MYO1H: variants seen among roughly 807,000 people sequenced by gnomAD.
MYO1H encodes myosin IH.
MYO1H carries 118 observed loss-of-function variants against 149.3 expected under a neutral mutation model. That is an observed-to-expected ratio of 0.79 (90% CI 0.68 to 0.92). The LOEUF (loss-of-function observed/expected upper bound fraction) is 0.92. Among genes scored for constraint, MYO1H ranks in the 40% least tolerant of loss-of-function variants. The pLI, the probability that MYO1H is intolerant of heterozygous loss-of-function variation, is 0.00. For missense variants in MYO1H, 1,212 were observed against 1,280.7 expected, an observed-to-expected ratio of 0.95 and a Z score of 0.82; for synonymous variants, 447 against 465.2, an observed-to-expected ratio of 0.96 and a Z score of 0.50.
chr12:109,442,372 G>T lies in MYO1H; in HGVS notation c.2688+100G>T, dbSNP rs892295101. 1.4e-5 allele frequency: 14 copies of T among 965,660 alleles called. No individual in the cohort carries two copies. In the African/African-American group the frequency reaches 2.1e-4, roughly 14 times the overall value. The allele number at this position is 965,660 out of a possible 1,614,324, so 59.8% of individuals were successfully genotyped here. On this transcript the variant is annotated intron_variant, in intron 27 of 31. Transcript: ENST00000310903. ...AAAGGGCGCACTATTTAAATGCAGG[G>T]GTGCAGCTGGGCAGCTGGGGCTCTC...
chr12:109,373,878 T>G (rs1379760144), intron 1 of MYO1H, among the ~76,000 whole-genome samples: 1 of 152,132 alleles, frequency 6.6e-6, no homozygotes, highest in African/African-American at 2.4e-5. Context: ...TCCCAGCTAC[T>G]CGGGAGGCTG....
At chr12:109,360,772 A>G (rs1276145051) in intron 1 of MYO1H, among the ~76,000 whole-genome samples, 1 of 152,252 alleles carries the variant, frequency 6.6e-6, no homozygotes, top group Non-Finnish European at 1.5e-5. Context: ...GTTAACAGAA[A>G]TAGGTCTTGT....
At chr12:109,384,119 G>T (rs764965781) in intron 1 of MYO1H, among the ~76,000 whole-genome samples, 7 of 152,130 alleles carry the variant, frequency 4.6e-5, no homozygotes, top group Non-Finnish European at 8.8e-5. Context: ...CCCTATATTT[G>T]TGCCTGATGT....
intron 1 of MYO1H, chr12:109,354,277 C>T (rs1459363922): frequency 6.6e-6 from 1 of 152,078 alleles, no homozygotes; most frequent in Non-Finnish European, 1.5e-5. Flanking sequence ...TTTTACTCTC[C>T]GTCTCCTCCC....
At chr12:109,398,122 G>A (rs1660146018) in intron 5 of MYO1H, among the ~76,000 whole-genome samples, 1 of 152,232 alleles carries the variant, frequency 6.6e-6, no homozygotes, top group African/African-American at 2.4e-5. Flanking sequence ...AAAATAATGG[G>A]TTGTACCAGA....
At chr12:109,384,425 T>C (rs1394504129) in intron 1 of MYO1H, among the ~76,000 whole-genome samples, 1 of 152,254 alleles carries the variant, frequency 6.6e-6, no homozygotes, top group Non-Finnish European at 1.5e-5. Flanking sequence ...CTGGATTTAA[T>C]GCTCTCTTTA....
intron 1 of MYO1H, chr12:109,359,580 T>A (rs1868695283): frequency 6.6e-6 from 1 of 152,194 alleles, no homozygotes; most frequent in Admixed American, 6.5e-5. Flanking sequence ...GGCCATCTCT[T>A]GTTCTTTGTG....
At chr12:109,444,180 G>A in intron 28 of MYO1H, 33 bp from the exon 29 acceptor site, 1 of 1,556,342 alleles carries the variant, frequency 6.4e-7, no homozygotes, top group Non-Finnish European at 8.9e-7. Flanking sequence ...AAGCTCTCTA[G>A]TTCTTGGCTC....
intron 25 of MYO1H, among the ~76,000 whole-genome samples, chr12:109,441,104 T>C (rs1181695878): frequency 3.9e-5 from 6 of 152,246 alleles, no homozygotes; most frequent in Admixed American, 3.9e-4. Context: ...GACCCCTTTC[T>C]GCTGGAAATC....
intron 1 of MYO1H, among the ~76,000 whole-genome samples, chr12:109,363,291 C>A (rs1400756572): frequency 6.6e-6 from 1 of 152,238 alleles, no homozygotes; most frequent in African/African-American, 2.4e-5. Context: ...CCCTAGGGTG[C>A]TTCTCCCACT....
chr12:109,430,810 C>T (rs1871578631), intron 19 of MYO1H, among the ~76,000 whole-genome samples: 1 of 152,098 alleles, frequency 6.6e-6, no homozygotes, highest in South Asian at 2.1e-4. Flanking sequence ...CCTATAATCC[C>T]AGCTACACAG....
rs1463828593 is a variant in MYO1H at position 109,427,563 on chromosome 12, G to A, written c.1926G>A (p.Arg642=). 3 of 1,612,198 alleles carry A rather than the reference G, an allele frequency of 1.9e-6. No individual in the cohort carries two copies. In the Admixed American group the frequency reaches 5.0e-5, roughly 27 times the overall value. ...GACGGGCTGGTTTTGCATACCGAAG[G>A]AAATACGAGCATTTCTTGCAAAGGT... is the stretch of plus-strand genomic sequence containing the variant. Residue 642 remains arginine (R), a synonymous_variant, in exon 19 of 32, where the codon AGG becomes AGA. Coordinates refer to ENST00000310903, the Ensembl canonical transcript of MYO1H.
the MYO1H span, among the ~76,000 whole-genome samples, chr12:109,313,497 T>A: frequency 6.6e-6 from 1 of 152,240 alleles, no homozygotes; most frequent in Non-Finnish European, 1.5e-5. Flanking sequence ...ATGACTGATA[T>A]GTGTATGATC....
chr12:109,349,689 G>A lies in MYO1H; in HGVS notation c.12+1717G>A, dbSNP rs370905315. On this transcript the variant is annotated intron_variant, in intron 1 of 31. Coordinates refer to ENST00000310903, the Ensembl canonical transcript of MYO1H. ...AAAAAAAAAAAAAGAGGCCGGGTGC[G>A]GTGGCTCATGCCTGTAATCCCAGCA... is the stretch of plus-strand genomic sequence containing the variant. 3.3e-5 allele frequency among the ~76,000 whole-genome samples: 5 copies of A among 150,910 alleles called. 1 individual carries two copies. The highest frequency in any genetic ancestry group is 4.2e-4 in the South Asian group (2 of 4,784).
intron 19 of MYO1H, 45 bp downstream of exon 19, chr12:109,427,631 C>T: frequency 7.6e-7 from 1 of 1,312,870 alleles, no homozygotes; most frequent in Non-Finnish European, 1.1e-6. Flanking sequence ...CATGTGCCTA[C>T]TACATGAGAA....
the MYO1H span, among the ~76,000 whole-genome samples, chr12:109,322,068 G>A: frequency 2.6e-5 from 4 of 152,106 alleles, no homozygotes; most frequent in Admixed American, 6.5e-5. Context: ...GATGGGTTAG[G>A]CAAGTGGATC....
chr12:109,383,610 T>G (rs1201403076), intron 1 of MYO1H, among the ~76,000 whole-genome samples: 2 of 152,206 alleles, frequency 1.3e-5, no homozygotes, highest in African/African-American at 2.4e-5. Context: ...AAAGAAATTC[T>G]CAGTCATTGC....
chr12:109,310,551 C>A, the MYO1H span, among the ~76,000 whole-genome samples: 2 of 151,988 alleles, frequency 1.3e-5, no homozygotes, highest in Admixed American at 6.5e-5. Context: ...TGTTTTGAGG[C>A]TGTCCTCGCG....
At chr12:109,427,628 C>A in intron 19 of MYO1H, 42 bp downstream of exon 19, 1 of 1,332,828 alleles carries the variant, frequency 7.5e-7, no homozygotes, top group Non-Finnish European at 1.1e-6. Context: ...AGTCATGTGC[C>A]TACTACATGA....
Sources: allele counts gnomAD v4.1 joint callset (sites outside exome capture counted in the v4.1 genomes callset), GRCh38; gene constraint gnomAD v4.1.1; transcripts MANE v1.5; gene names NCBI Gene and HGNC (gene_info 2026-07-23, HGNC 2026-07-21).